FMN1: variants seen among roughly 807,000 people sequenced by gnomAD.
The protein encoded by FMN1 is formin-1.
FMN1 carries 110 observed loss-of-function variants against 132.4 expected under a neutral mutation model. The ratio of observed to expected loss-of-function variants is 0.83; its 90% CI spans 0.71 to 0.97. The LOEUF (loss-of-function observed/expected upper bound fraction) is 0.97. Ranked by LOEUF, FMN1 falls within the 50% of genes least tolerant of loss-of-function variation. FMN1 has a pLI of 0.00. For synonymous variants in FMN1, 722 were observed against 651.7 expected (o/e 1.11, Z -1.64); for missense variants, 1,792 against 1,705.3 (o/e 1.05, Z -0.90).
intron 13 of FMN1, among the ~76,000 whole-genome samples, chr15:32,901,498 T>A (rs566059560): frequency 6.6e-6 from 1 of 152,306 alleles, no homozygotes; most frequent in East Asian, 1.9e-4. Flanking sequence ...ATTTCACTTA[T>A]CAAGTCTCTA....
chr15:33,182,504 C>T, intron 2 of FMN1, among the ~76,000 whole-genome samples: 1 of 152,218 alleles, frequency 6.6e-6, no homozygotes, highest in East Asian at 1.9e-4. Context: ...ACTAATTCAC[C>T]TACTCAGTGG....
At chr15:33,069,570 A>G (rs2037902779) in intron 5 of FMN1, among the ~76,000 whole-genome samples, 1 of 152,218 alleles carries the variant, frequency 6.6e-6, no homozygotes, top group African/African-American at 2.4e-5. Context: ...TCACACATTG[A>G]TAACTTGAGC....
Position 33,064,938 on chromosome 15 carries a change from T to C in FMN1, c.2161+19A>G, listed in dbSNP as rs759471655. The C allele has an allele frequency of 6.4e-7, 1 of 1,562,136 alleles. No individual in the cohort carries two copies. Among genetic ancestry groups the C allele is most frequent in the South Asian group, 1.1e-5 (1 of 87,850 alleles). Reference sequence around the variant, plus strand: ...AGGAAGAGATTCATTCCCGGGTCCCTAGCTTCCTTTCACATTACCTGCTTC... The same window carrying C: ...AGGAAGAGATTCATTCCCGGGTCCCCAGCTTCCTTTCACATTACCTGCTTC... On this transcript the variant is annotated intron_variant, in intron 6 of 20. Transcript: ENST00000616417.
At chr15:33,127,512 C>CT (rs1327942813) in intron 4 of FMN1, among the ~76,000 whole-genome samples, 2 of 152,200 alleles carry the variant, frequency 1.3e-5, no homozygotes, top group Non-Finnish European at 2.9e-5. Context: ...CCAAGTGTAA[C>CT]TTTCCATTAA....
Position 33,055,615 on chromosome 15 carries a change from AAAAC to A in FMN1, c.2161+9338_2161+9341del, listed in dbSNP as rs536762610. Among the ~76,000 whole-genome samples the A allele has an allele frequency of 1.1e-3, 162 of 152,110 alleles. 1 individual carries two copies. The highest frequency in any genetic ancestry group is 3.5e-3 in the African/African-American group (145 of 41,476). On this transcript the variant is annotated intron_variant, in intron 6 of 20. Coordinates refer to ENST00000616417, the MANE Select transcript of FMN1 (RefSeq NM_001277313.2). Reference sequence around the variant, plus strand: ...CTGTACTTCAACTCATAGACAAAAAAAAACAAACAAAAAAATCAACGCCCAGAAT... The same window carrying A: ...CTGTACTTCAACTCATAGACAAAAAAAAACAAAAAAATCAACGCCCAGAAT...
At chr15:32,999,282 CA>C (rs926432806) in intron 7 of FMN1, among the ~76,000 whole-genome samples, 4 of 151,992 alleles carry the variant, frequency 2.6e-5, no homozygotes, top group Admixed American at 2.6e-4. Context: ...ATGAAGAATA[CA>C]AAAAAATGGA....
intron 5 of FMN1, among the ~76,000 whole-genome samples, chr15:33,071,440 T>C (rs530145365): frequency 3.7e-4 from 57 of 152,336 alleles, no homozygotes; most frequent in Middle Eastern, 3.4e-3. Context: ...TCCAATGTCA[T>C]AAATGAGCAC....
At chr15:32,896,899 C>G (rs910414788) in intron 15 of FMN1, among the ~76,000 whole-genome samples, 13 of 152,098 alleles carry the variant, frequency 8.5e-5, no homozygotes, top group Non-Finnish European at 4.4e-5. Flanking sequence ...CTTTGAGATC[C>G]TGGTTTCAAT....
At chr15:32,893,394 G>GCGCTCGTGCA (rs2060079518) in intron 15 of FMN1, among the ~76,000 whole-genome samples, 1 of 151,708 alleles carries the variant, frequency 6.6e-6, no homozygotes, top group African/African-American at 2.4e-5. Context: ...GCGCTCGTGC[G>GCGCTCGTGCA]CGCGCTAGAA....
chr15:33,130,439 C>A (rs1963490954), intron 4 of FMN1, among the ~76,000 whole-genome samples: 1 of 152,156 alleles, frequency 6.6e-6, no homozygotes, highest in Non-Finnish European at 1.5e-5. Context: ...TTGTGGGCTG[C>A]ACTGTAGTTT....
At position 33,068,070 on chromosome 15, in the gene FMN1, C is replaced by T. The variant is rs1018826410; in HGVS notation, c.2044-2996G>A. 5.0e-6 allele frequency: 7 copies of T among 1,405,516 alleles called. No individual in the cohort carries two copies. In the Admixed American group the frequency reaches 1.2e-4, roughly 24 times the overall value. The allele number at this position is 1,405,516 out of a possible 1,614,324, so 87.1% of individuals were successfully genotyped here. A position where few individuals can be genotyped will look rare whatever the true frequency, so the allele number is the denominator to read the frequency against. ...CACAGTGCCCTCCTTCCGGTTTGTG[C>T]GATGATGTGTTCCAGGGCAACTGTG... On this transcript the variant is annotated intron_variant, in intron 5 of 20. Coordinates refer to ENST00000616417, the MANE Select transcript of FMN1 (RefSeq NM_001277313.2).
At chr15:32,880,655 A>C (rs931600676) in intron 16 of FMN1, among the ~76,000 whole-genome samples, 42 of 152,202 alleles carry the variant, frequency 2.8e-4, no homozygotes. Context: ...TGCATGTCTC[A>C]AAATGTTTTT....
At chr15:32,960,055 AT>A (rs766240100) in intron 9 of FMN1, among the ~76,000 whole-genome samples, 10 of 152,222 alleles carry the variant, frequency 6.6e-5, no homozygotes, top group African/African-American at 9.6e-5. Context: ...TATAGATGGC[AT>A]TTAAAAAGCC....
chr15:32,826,844 C>T (rs144709137), intron 17 of FMN1, among the ~76,000 whole-genome samples: 9 of 152,300 alleles, frequency 5.9e-5, no homozygotes, highest in African/African-American at 1.7e-4. Context: ...GTTTTCCTAG[C>T]GCTGGCTCTT....
intron 6 of FMN1, among the ~76,000 whole-genome samples, chr15:33,033,266 G>C (rs1158539287): frequency 6.6e-6 from 1 of 152,160 alleles, no homozygotes; most frequent in Non-Finnish European, 1.5e-5. Flanking sequence ...TCCTGACCTT[G>C]TGATCCGCCC....
intron 6 of FMN1, among the ~76,000 whole-genome samples, chr15:33,046,062 A>C (rs2036666928): frequency 6.6e-6 from 1 of 152,242 alleles, no homozygotes; most frequent in South Asian, 2.1e-4. Context: ...CTAAGATTTT[A>C]ATTTATTATT....
At chr15:32,809,094 T>TGG (rs952022407) in intron 17 of FMN1, among the ~76,000 whole-genome samples, 1 of 152,286 alleles carries the variant, frequency 6.6e-6, no homozygotes, top group South Asian at 2.1e-4. Context: ...CTGGGAGTCA[T>TGG]GGGGGTGGAT....
intron 2 of FMN1, among the ~76,000 whole-genome samples, chr15:33,185,414 G>T (rs1017164074): frequency 6.6e-6 from 1 of 151,610 alleles, no homozygotes; most frequent in Non-Finnish European, 1.5e-5. Context: ...ATTATAGAAG[G>T]TGTTTTCTAT....
chr15:32,907,315 T>C (rs2060451257), intron 12 of FMN1, among the ~76,000 whole-genome samples: 1 of 151,942 alleles, frequency 6.6e-6, no homozygotes, highest in South Asian at 2.1e-4. Context: ...CTGGGGGTGA[T>C]GGGAGACAGT....
Sources: gnomAD v4.1 joint callset for allele counts (sites outside exome capture counted in the v4.1 genomes callset) on GRCh38, gnomAD v4.1.1 for gene constraint, MANE v1.5 for transcripts, NCBI Gene and HGNC (gene_info 2026-07-23, HGNC 2026-07-21) for gene names.